Variants in CALCR observed in about 807,000 individuals in gnomAD.
CALCR encodes calcitonin receptor.
A neutral mutation model predicts 59.5 loss-of-function variants in CALCR; 47 were observed. That is an observed-to-expected ratio of 0.79 (90% CI 0.63 to 1.01). The LOEUF (loss-of-function observed/expected upper bound fraction) is 1.01, where lower values mean the gene tolerates loss of function less well. Ranked by LOEUF, CALCR falls within the 50% of genes least tolerant of loss-of-function variation. The probability of loss-of-function intolerance (pLI) is 0.00; values close to 1 mark genes in which losing one functional copy is unlikely to be tolerated. For synonymous variants in CALCR, 213 were observed against 211.3 expected, an observed-to-expected ratio of 1.01 and a Z score of -0.07; for missense variants, 566 against 597.1, an observed-to-expected ratio of 0.95 and a Z score of 0.54.
chr7:93,504,385 T>G (rs1801383035), intron 2 of CALCR, among the ~76,000 whole-genome samples: 1 of 152,186 alleles, frequency 6.6e-6, no homozygotes, highest in African/African-American at 2.4e-5. Context: ...GACTGCAAAG[T>G]AATAGACCAT....
chr7:93,464,130 CA>C (rs921662170), intron 7 of CALCR, among the ~76,000 whole-genome samples: 2 of 151,888 alleles, frequency 1.3e-5, no homozygotes, highest in Non-Finnish European at 2.9e-5. Flanking sequence ...ACATTTGTTT[CA>C]AGTTATTAGT....
At chr7:93,484,785 T>G (rs1800903434) in intron 3 of CALCR, among the ~76,000 whole-genome samples, 1 of 151,782 alleles carries the variant, frequency 6.6e-6, no homozygotes, top group Non-Finnish European at 1.5e-5. Flanking sequence ...GTCTTTGTTA[T>G]TACCATTGGC....
chr7:93,487,686 G>T (rs1200994196), intron 2 of CALCR, among the ~76,000 whole-genome samples: 4 of 151,346 alleles, frequency 2.6e-5, no homozygotes, highest in South Asian at 4.1e-4. Context: ...CTTAACAAAG[G>T]GTTAAACAGT....
chr7:93,571,173 T>A (rs1453491246), intron 2 of CALCR, among the ~76,000 whole-genome samples: 1 of 152,108 alleles, frequency 6.6e-6, no homozygotes, highest in Non-Finnish European at 1.5e-5. Flanking sequence ...TATATGAAGC[T>A]CTGGAAGATC....
At chr7:93,471,329 A>G (rs1266698205) in intron 6 of CALCR, among the ~76,000 whole-genome samples, 1 of 151,818 alleles carries the variant, frequency 6.6e-6, no homozygotes, top group African/African-American at 2.4e-5. Flanking sequence ...TAGGGTGTAG[A>G]CATGCATCTG....
intron 3 of CALCR, 123 bp from the exon 4 acceptor site, chr7:93,479,630 C>G: frequency 1.2e-6 from 1 of 813,720 alleles, no homozygotes; most frequent in Non-Finnish European, 1.9e-6. Flanking sequence ...TATTCATGGT[C>G]TCTATGTACA....
intron 8 of CALCR, among the ~76,000 whole-genome samples, chr7:93,460,113 G>T (rs1002869970): frequency 1.3e-5 from 2 of 152,136 alleles, no homozygotes; most frequent in African/African-American, 4.8e-5. Context: ...ATGAAGAGGG[G>T]ATCAATATCT....
intron 2 of CALCR, among the ~76,000 whole-genome samples, chr7:93,519,580 A>G (rs972175862): frequency 6.6e-6 from 1 of 152,092 alleles, no homozygotes; most frequent in African/African-American, 2.4e-5. Flanking sequence ...CATTATCTAT[A>G]TTATTATTAA....
intron 8 of CALCR, among the ~76,000 whole-genome samples, chr7:93,454,319 G>A (rs1439244674): frequency 6.6e-6 from 1 of 151,926 alleles, no homozygotes; most frequent in East Asian, 1.9e-4. Flanking sequence ...ATAAAGGTTA[G>A]AAGACATTCA....
chr7:93,557,491 C>T (rs1485560476), intron 2 of CALCR, among the ~76,000 whole-genome samples: 1 of 151,598 alleles, frequency 6.6e-6, no homozygotes. Context: ...TTGTTCTATA[C>T]ATCGTGAATA....
At chr7:93,563,927 C>T (rs901493627) in intron 2 of CALCR, among the ~76,000 whole-genome samples, 7 of 152,062 alleles carry the variant, frequency 4.6e-5, no homozygotes, top group Non-Finnish European at 1.0e-4. Context: ...TAGAGGGTGG[C>T]TGCGAAATTT....
chr7:93,429,858 A>C (rs1799610752), intron 13 of CALCR, among the ~76,000 whole-genome samples: 1 of 151,918 alleles, frequency 6.6e-6, no homozygotes, highest in South Asian at 2.1e-4. Context: ...ATGATTAAAA[A>C]AAAAAAAACA....
At chr7:93,526,048 T>C (rs1173771004) in intron 2 of CALCR, among the ~76,000 whole-genome samples, 2 of 152,156 alleles carry the variant, frequency 1.3e-5, no homozygotes, top group African/African-American at 4.8e-5. Context: ...TTGGAATCAA[T>C]GGATATTGCA....
intron 2 of CALCR, among the ~76,000 whole-genome samples, chr7:93,520,575 A>G (rs1801741006): frequency 6.6e-6 from 1 of 152,138 alleles, no homozygotes. Flanking sequence ...GCAAAGATAT[A>G]GCATTCCTCT....
intron 2 of CALCR, among the ~76,000 whole-genome samples, chr7:93,548,967 G>T (rs971369144): frequency 4.0e-5 from 6 of 151,434 alleles, no homozygotes; most frequent in Non-Finnish European, 8.8e-5. Flanking sequence ...CCTGAGAATT[G>T]TAATGCTGTG....
At chr7:93,551,032 T>G (rs895156484) in intron 2 of CALCR, among the ~76,000 whole-genome samples, 1 of 152,226 alleles carries the variant, frequency 6.6e-6, no homozygotes, top group African/African-American at 2.4e-5. Context: ...GAAGCCATTA[T>G]GAGTGAGTCT....
chr7:93,549,134 A>G (rs1045486681), intron 2 of CALCR, among the ~76,000 whole-genome samples: 1 of 152,136 alleles, frequency 6.6e-6, no homozygotes, highest in African/African-American at 2.4e-5. Flanking sequence ...AAGGATGTCT[A>G]GTTGATCATT....
chr7:93,454,167 G>A (rs1800162419), intron 8 of CALCR, among the ~76,000 whole-genome samples: 2 of 151,964 alleles, frequency 1.3e-5, no homozygotes, highest in African/African-American at 4.8e-5. Flanking sequence ...AGCCTCCCTT[G>A]GGCTGGGCAG....
chr7:93,441,696 G>A (rs1433876913), intron 9 of CALCR: 1 of 381,628 alleles, frequency 2.6e-6, no homozygotes, highest in Non-Finnish European at 5.1e-6. Context: ...GGATGGTTAA[G>A]GAAACAGGGT....
Sources: gnomAD v4.1 joint callset for allele counts (sites outside exome capture counted in the v4.1 genomes callset) on GRCh38, gnomAD v4.1.1 for gene constraint, MANE v1.5 for transcripts, NCBI Gene and HGNC (gene_info 2026-07-23, HGNC 2026-07-21) for gene names.